SRPRB: variants seen among roughly 807,000 people sequenced by gnomAD.
The protein encoded by SRPRB is signal recognition particle receptor subunit beta.
In SRPRB, 20 loss-of-function variants were observed where a neutral mutation model predicts 31.9. The observed-to-expected ratio is 0.63, with a 90% CI of 0.44 to 0.91. SRPRB has a LOEUF of 0.91. Among genes scored for constraint, SRPRB ranks in the 40% least tolerant of loss-of-function variants. The pLI is 0.00. For missense variants in SRPRB, 321 were observed against 324.9 expected, an observed-to-expected ratio of 0.99 and a Z score of 0.09; for synonymous variants, 146 against 132.8, an observed-to-expected ratio of 1.10 and a Z score of -0.68.
chr3:133,816,742 C>A, intron 5 of SRPRB, 136 bp from the exon 6 acceptor site: 1 of 577,680 alleles, frequency 1.7e-6, no homozygotes, highest in Non-Finnish European at 3.0e-6. Flanking sequence ...AGAGAAGGAA[C>A]TAGTGATAAA....
chr3:133,822,538 G>C (rs1935490244), downstream of SRPRB, among the ~76,000 whole-genome samples: 1 of 152,192 alleles, frequency 6.6e-6, no homozygotes, highest in Non-Finnish European at 1.5e-5. Context: ...ATCAACAGCA[G>C]CTGCTGTTGG....
chr3:133,819,780 A>AGCACAAGACCT lies in SRPRB; in HGVS notation c.*16_*26dup. On this transcript the variant is annotated 3_prime_UTR_variant, in exon 7 of 7. Transcript: ENST00000678299. Reference sequence around the variant, plus strand: ...AAAATTGCCTGAGAGGCAGCTCTAAAGCACAAGACCTGGATGTGTGACACA... The same window carrying AGCACAAGACCT: ...AAAATTGCCTGAGAGGCAGCTCTAAAGCACAAGACCTGCACAAGACCTGGATGTGTGACACA... 6.2e-7 allele frequency: 1 copy of AGCACAAGACCT among 1,612,338 alleles called. No individual in the cohort carries two copies. The highest frequency in any genetic ancestry group is 2.2e-5 in the East Asian group (1 of 44,834).
chr3:133,801,853 T>G (rs1449672858), upstream of SRPRB, among the ~76,000 whole-genome samples: 1 of 152,250 alleles, frequency 6.6e-6, no homozygotes, highest in Non-Finnish European at 1.5e-5. Context: ...ATAAAGTAGT[T>G]GGTTTACTTA....
At chr3:133,815,819 G>A in intron 5 of SRPRB, 93 bp downstream of exon 5, 1 of 1,431,874 alleles carries the variant, frequency 7.0e-7, no homozygotes, top group Non-Finnish European at 9.6e-7. Flanking sequence ...TTATTATTGA[G>A]GATGAGATAC....
chr3:133,814,406 C>T (rs1935330075), intron 4 of SRPRB, among the ~76,000 whole-genome samples: 1 of 151,970 alleles, frequency 6.6e-6, no homozygotes, highest in African/African-American at 2.4e-5. Flanking sequence ...GCTGGGATTA[C>T]AGGCGTGAGC....
intron 1 of SRPRB, chr3:133,789,878 CGTTTTTT>C (rs1934785485): frequency 1.9e-5 from 1 of 52,406 alleles, no homozygotes; most frequent in Non-Finnish European, 3.3e-5. Context: ...ATCTCGTTTG[CGTTTTTT>C]TTTTTTTTTT....
chr3:133,822,473 G>A (rs923463781), downstream of SRPRB, among the ~76,000 whole-genome samples: 1 of 152,088 alleles, frequency 6.6e-6, no homozygotes, highest in Non-Finnish European at 1.5e-5. Context: ...TCTCCAGTCC[G>A]GGCCTTGGTA....
intron 1 of SRPRB, among the ~76,000 whole-genome samples, chr3:133,798,329 A>G (rs986019372): frequency 3.9e-5 from 6 of 152,176 alleles, no homozygotes; most frequent in African/African-American, 7.2e-5. Context: ...ATGTATGTGC[A>G]TCTCTTTCGG....
rs1197157740 is a variant in SRPRB, at chr3:133,807,900, G to A, written c.327+77G>A. On this transcript the variant is annotated intron_variant, in intron 3 of 6. Coordinates refer to ENST00000678299, the MANE Select transcript of SRPRB (RefSeq NM_001379313.1). ...TGTCAGTTAAGGACATTTTTAGGAT[G>A]AGTTCATCTGAGGATGTAAGTACCA... 5 of 1,012,188 alleles carry A rather than the reference G, an allele frequency of 4.9e-6. No homozygotes were observed. In the African/African-American group the frequency reaches 8.2e-5, roughly 17 times the overall value. 62.7% of individuals were successfully genotyped at this position (1,012,188 alleles called of 1,614,324 possible).
At chr3:133,823,329 G>A (rs1215617477), downstream of SRPRB, among the ~76,000 whole-genome samples, 3 of 152,116 alleles carry the variant, frequency 2.0e-5, no homozygotes, top group East Asian at 1.9e-4. Flanking sequence ...GTGCCGTCTC[G>A]GCTCACTGCA....
chr3:133,816,828 A>G (rs563200073), intron 5 of SRPRB, 50 bp from the exon 6 acceptor site: 1 of 1,493,238 alleles, frequency 6.7e-7, no homozygotes, highest in South Asian at 1.3e-5. Context: ...AGTCTTGGGG[A>G]AAAAACTCAT....
intron 3 of SRPRB, among the ~76,000 whole-genome samples, chr3:133,808,448 C>T (rs907262274): frequency 1.1e-4 from 17 of 152,094 alleles, no homozygotes; most frequent in African/African-American, 3.9e-4. Context: ...CTGCATAGTA[C>T]TCCACTCTGT....
upstream of SRPRB, among the ~76,000 whole-genome samples, chr3:133,801,741 G>C (rs762117900): frequency 2.6e-5 from 4 of 152,134 alleles, no homozygotes; most frequent in Non-Finnish European, 5.9e-5. Context: ...GTGTGTTTTG[G>C]GTGGTGAATA....
downstream of SRPRB, chr3:133,828,074 T>C (rs1935600250): frequency 7.4e-6 from 5 of 679,132 alleles, no homozygotes; most frequent in East Asian, 1.4e-4. Flanking sequence ...CTTCAAGGCT[T>C]TTCAGGGAAA....
At chr3:133,786,461 T>A (rs1044405786) in intron 1 of SRPRB, 2 of 152,332 alleles carry the variant, frequency 1.3e-5, no homozygotes, top group Admixed American at 1.3e-4. Context: ...AAGAGCTCTA[T>A]GCCAATGTGC....
chr3:133,815,396 A>C (rs1935347812), intron 4 of SRPRB, among the ~76,000 whole-genome samples, 194 bp from the exon 5 acceptor site: 1 of 152,098 alleles, frequency 6.6e-6, no homozygotes. Flanking sequence ...TCAGTCATTG[A>C]TACACAGTAG....
In SRPRB at chr3:133,820,065, CAGAG is replaced by C; in HGVS notation, c.*302_*305del. The stretch of plus-strand genomic sequence containing the variant: ...TTTGTGACAACAGGCAGACTCCACA[CAGAG>C]AGGATATGATGAGAATATGGCCATC... On this transcript the variant is annotated 3_prime_UTR_variant, in exon 7 of 7. Transcript: ENST00000678299. The C allele has an allele frequency of 2.9e-6, 1 of 344,818 alleles. No individual in the cohort carries two copies. The highest frequency in any genetic ancestry group is 5.4e-6 in the Non-Finnish European group (1 of 183,984). 21.4% of individuals were successfully genotyped at this position (344,818 alleles called of 1,614,324 possible).
downstream of SRPRB, chr3:133,828,270 G>A (rs942154333): frequency 3.2e-5 from 15 of 467,006 alleles, no homozygotes; most frequent in Non-Finnish European, 4.6e-5. Flanking sequence ...GTAGGGCCTA[G>A]AGAGTGGGGC....
chr3:133,815,748 A>G (rs766432191), intron 5 of SRPRB, 22 bp downstream of exon 5: 7 of 1,608,530 alleles, frequency 4.4e-6, no homozygotes, highest in African/African-American at 1.3e-5. Context: ...TTTTCTTGCA[A>G]TAATAATTGA....
Sources: allele counts gnomAD v4.1 joint callset (sites outside exome capture counted in the v4.1 genomes callset), GRCh38; gene constraint gnomAD v4.1.1; transcripts MANE v1.5; gene names NCBI Gene and HGNC (gene_info 2026-07-23, HGNC 2026-07-21).